Variants in RAD51B observed in about 807,000 individuals in gnomAD.
The protein encoded by RAD51B is RAD51 paralog B, also known as DNA repair protein RAD51 homolog 2.
In RAD51B, 38 loss-of-function variants were observed where a neutral mutation model predicts 42.2. The ratio of observed to expected loss-of-function variants is 0.90; its 90% CI spans 0.70 to 1.18. The LOEUF (loss-of-function observed/expected upper bound fraction) is 1.18, where lower values mean the gene tolerates loss of function less well. RAD51B is among the 50% of genes most tolerant of loss of function. The pLI, the probability that RAD51B is intolerant of heterozygous loss-of-function variation, is 0.00. For synonymous variants in RAD51B, 154 were observed against 145.2 expected (o/e 1.06, Z -0.43); for missense variants, 373 against 400.7 (o/e 0.93, Z 0.59).
chr14:67,990,326 C>T (rs2075273963), intron 7 of RAD51B, among the ~76,000 whole-genome samples: 1 of 152,136 alleles, frequency 6.6e-6, no homozygotes, highest in African/African-American at 2.4e-5. Flanking sequence ...TTGTCAATGT[C>T]CCTAATGGGA....
rs545769352 is a variant in RAD51B, at chr14:68,106,682, T to G, written c.757-185202T>G. ...GCTTACTTAGTACTTCATTGGAACG[T>G]TGGGTTATTTATGCTAAAGTCAATA... On this transcript the variant is annotated intron_variant, in intron 7 of 10. Coordinates refer to ENST00000471583, the MANE Select transcript of RAD51B (RefSeq NM_133510.4). 5.7e-4 allele frequency among the ~76,000 whole-genome samples: 86 copies of G among 152,008 alleles called. 1 individual carries two copies. The highest frequency in any genetic ancestry group is 2.1e-3 in the South Asian group (10 of 4,826).
intron 8 of RAD51B, among the ~76,000 whole-genome samples, chr14:68,316,354 G>C (rs913831622): frequency 6.6e-6 from 1 of 152,238 alleles, no homozygotes; most frequent in South Asian, 2.1e-4. Context: ...GCTGGTCAAG[G>C]AAGTGTTTTT....
At chr14:68,116,384 G>C (rs965658286) in intron 7 of RAD51B, among the ~76,000 whole-genome samples, 1 of 151,018 alleles carries the variant, frequency 6.6e-6, no homozygotes, top group Non-Finnish European at 1.5e-5. Context: ...TTTCAAGTTG[G>C]TAATGGTTTC....
chr14:68,261,424 G>A (rs528194410), intron 7 of RAD51B, among the ~76,000 whole-genome samples: 29 of 152,348 alleles, frequency 1.9e-4, no homozygotes, highest in Admixed American at 9.1e-4. Context: ...GACTGTGGGA[G>A]TTGAGGTGAA....
At chr14:68,341,098 C>CA (rs2082562922) in intron 8 of RAD51B, among the ~76,000 whole-genome samples, 3 of 152,124 alleles carry the variant, frequency 2.0e-5, no homozygotes, top group Admixed American at 2.0e-4. Flanking sequence ...AGGCAAAGCA[C>CA]AATGTTAATG....
chr14:67,835,706 A>C (rs551607754), intron 4 of RAD51B, among the ~76,000 whole-genome samples: 120 of 151,884 alleles, frequency 7.9e-4, no homozygotes, highest in African/African-American at 2.6e-3. Context: ...AATAAAAAAA[A>C]CCCAGAAACC....
At chr14:68,548,827 C>G (rs1269580442) in intron 10 of RAD51B, among the ~76,000 whole-genome samples, 1 of 152,182 alleles carries the variant, frequency 6.6e-6, no homozygotes, top group Non-Finnish European at 1.5e-5. Flanking sequence ...CCCGAGGCCT[C>G]TGACCCCTTC....
chr14:68,369,050 T>A lies in RAD51B; in HGVS notation c.854-42374T>A, dbSNP rs556855503. Among the ~76,000 whole-genome samples, 3 of 152,174 alleles carry A rather than the reference T, an allele frequency of 2.0e-5. 1 individual carries two copies. The South Asian group carries it at 6.2e-4, about 32-fold the overall frequency. ...CAAAAAAACTAACAGCCTTCCTGAG[T>A]CTCTTGGCTGTAGAGTACCCAGCTC... On this transcript the variant is annotated intron_variant, in intron 8 of 10. Coordinates refer to ENST00000471583, the MANE Select transcript of RAD51B (RefSeq NM_133510.4).
chr14:68,125,463 C>T (rs1308925752), intron 7 of RAD51B: 1 of 152,216 alleles, frequency 6.6e-6, no homozygotes, highest in Non-Finnish European at 1.5e-5. Context: ...GTGTAATTCT[C>T]AGTGCCCTGT....
At chr14:68,633,446 C>A (rs569372943) in intron 10 of RAD51B, among the ~76,000 whole-genome samples, 2 of 152,224 alleles carry the variant, frequency 1.3e-5, no homozygotes, top group East Asian at 1.9e-4. Flanking sequence ...CGCATTCCCC[C>A]CACGATGTAT....
chr14:68,537,162 A>G (rs1278401215), intron 10 of RAD51B, among the ~76,000 whole-genome samples: 1 of 151,136 alleles, frequency 6.6e-6, no homozygotes, highest in Non-Finnish European at 1.5e-5. Flanking sequence ...ATGTCCCTGA[A>G]TAGAGATCCT....
At chr14:68,169,959 TC>T (rs2078835523) in intron 7 of RAD51B, among the ~76,000 whole-genome samples, 1 of 152,182 alleles carries the variant, frequency 6.6e-6, no homozygotes, top group African/African-American at 2.4e-5. Context: ...AGAATACTGT[TC>T]TATGGACTCT....
chr14:68,308,704 TAAA>T (rs67048671), intron 8 of RAD51B, among the ~76,000 whole-genome samples: 1 of 104,338 alleles, frequency 9.6e-6, no homozygotes. Flanking sequence ...TCTGTGTCAT[TAAA>T]AAAAAAAAAA....
chr14:67,832,273 G>C (rs1190876721), intron 3 of RAD51B, among the ~76,000 whole-genome samples: 2 of 152,162 alleles, frequency 1.3e-5, no homozygotes, highest in Admixed American at 1.3e-4. Flanking sequence ...ATCATGCCCA[G>C]CCAATAATTT....
At chr14:68,329,397 G>A (rs960646286) in intron 8 of RAD51B, among the ~76,000 whole-genome samples, 3 of 152,128 alleles carry the variant, frequency 2.0e-5, no homozygotes, top group Non-Finnish European at 2.9e-5. Flanking sequence ...AACAACTTCT[G>A]GGATCCACAG....
At chr14:68,228,140 A>C (rs1196844328) in intron 7 of RAD51B, among the ~76,000 whole-genome samples, 1 of 152,160 alleles carries the variant, frequency 6.6e-6, no homozygotes, top group Non-Finnish European at 1.5e-5. Flanking sequence ...GCCAGAATTT[A>C]GTCTGAAAAT....
intron 11 of RAD51B, among the ~76,000 whole-genome samples, chr14:68,673,497 C>T (rs1595057834): frequency 6.7e-6 from 1 of 148,674 alleles, no homozygotes; most frequent in East Asian, 2.0e-4. Flanking sequence ...ACATACTGTA[C>T]ACACATGTAT....
At chr14:68,437,931 G>A (rs1330058075) in intron 9 of RAD51B, among the ~76,000 whole-genome samples, 1 of 152,152 alleles carries the variant, frequency 6.6e-6, no homozygotes, top group African/African-American at 2.4e-5. Flanking sequence ...AGGAGACTGA[G>A]GAAGATGTTT....
At chr14:68,078,158 A>C (rs1193578937) in intron 7 of RAD51B, among the ~76,000 whole-genome samples, 1 of 152,146 alleles carries the variant, frequency 6.6e-6, no homozygotes, top group Non-Finnish European at 1.5e-5. Flanking sequence ...ATATTTATAT[A>C]GTTCAATTGA....
Sources: gnomAD v4.1 joint callset for allele counts (sites outside exome capture counted in the v4.1 genomes callset) on GRCh38, gnomAD v4.1.1 for gene constraint, MANE v1.5 for transcripts, NCBI Gene and HGNC (gene_info 2026-07-23, HGNC 2026-07-21) for gene names.